The following AUH variants were observed in gnomAD, a reference collection of about 807,000 sequenced individuals.
The protein encoded by AUH is methylglutaconyl-CoA hydratase, mitochondrial.
A neutral mutation model predicts 42.3 loss-of-function variants in AUH; 29 were observed. The observed-to-expected ratio is 0.69, with a 90% CI of 0.51 to 0.93. The LOEUF (loss-of-function observed/expected upper bound fraction) is 0.93. Ranked by LOEUF, AUH falls within the 40% of genes least tolerant of loss-of-function variation. AUH has a pLI of 0.00. For missense variants in AUH, 452 were observed against 438.1 expected, an observed-to-expected ratio of 1.03 and a Z score of -0.28; for synonymous variants, 174 against 166.4, an observed-to-expected ratio of 1.05 and a Z score of -0.35.
chr9:91,350,141 A>G (rs1831852527), intron 3 of AUH, among the ~76,000 whole-genome samples: 1 of 152,262 alleles, frequency 6.6e-6, no homozygotes, highest in African/African-American at 2.4e-5. Flanking sequence ...CTGTATTTAC[A>G]TATTACTGTG....
In AUH at chr9:91,220,861, C is replaced by G. The variant is rs1305664335; in HGVS notation, c.787G>C (p.Glu263Gln). ...LISHVLEQNQ[E>Q]GDAAYRKALD... ...GCCTTCCTGTAGGCCGCGTCTCCCT[C>G]CTGGTTCTGTTCCAGAACGTGGCTG... Residue 263 changes from glutamate (E) to glutamine (Q), a missense_variant, in exon 7 of 10, where the codon GAG becomes CAG. Transcript: ENST00000375731. 3 of 1,614,246 alleles carry G rather than the reference C, an allele frequency of 1.9e-6. No individual in the cohort carries two copies. Among genetic ancestry groups the G allele is most frequent in the Non-Finnish European group, 2.5e-6 (3 of 1,180,040 alleles).
chr9:91,289,855 T>C (rs1173511026), intron 6 of AUH, among the ~76,000 whole-genome samples: 1 of 152,172 alleles, frequency 6.6e-6, no homozygotes, highest in African/African-American at 2.4e-5. Context: ...CAAAAACGTA[T>C]TTTTAAAATA....
chr9:91,221,409 G>A (rs1162398020), intron 6 of AUH, among the ~76,000 whole-genome samples: 1 of 152,194 alleles, frequency 6.6e-6, no homozygotes, highest in Non-Finnish European at 1.5e-5. Flanking sequence ...AACACATTGT[G>A]AGACATTCAA....
chr9:91,361,540 G>C, intron 1 of AUH, 88 bp downstream of exon 1: 1 of 1,511,004 alleles, frequency 6.6e-7, no homozygotes, highest in Non-Finnish European at 8.9e-7. Flanking sequence ...TCGACCCCGC[G>C]TCCTGCCGGC....
At chr9:91,339,531 G>T (rs1337959761) in intron 3 of AUH, among the ~76,000 whole-genome samples, 1 of 152,182 alleles carries the variant, frequency 6.6e-6, no homozygotes, top group East Asian at 1.9e-4. Flanking sequence ...ATAAACTCAT[G>T]GTTTTCAACA....
At position 91,325,497 on chromosome 9, in the gene AUH, C is replaced by A; in HGVS notation, c.419-93G>T. Reference sequence around the variant, plus strand: ...TTTACTTAAGATTAGTATACAACTTCAAGATCAGCCTAATTCATCTTTTAA... The same window carrying A: ...TTTACTTAAGATTAGTATACAACTTAAAGATCAGCCTAATTCATCTTTTAA... On this transcript the variant is annotated intron_variant, in intron 3 of 9. Coordinates refer to ENST00000375731, the MANE Select transcript of AUH (RefSeq NM_001698.3). The A allele has an allele frequency of 3.0e-6, 3 of 987,608 alleles. No individual in the cohort carries two copies. In the South Asian group the frequency reaches 3.9e-5, roughly 13 times the overall value. The allele number at this position is 987,608 out of a possible 1,614,324, so 61.2% of individuals were successfully genotyped here. A position where few individuals can be genotyped will look rare whatever the true frequency, so the allele number is the denominator to read the frequency against.
intron 7 of AUH, among the ~76,000 whole-genome samples, chr9:91,218,189 T>C (rs527256594): frequency 5.8e-4 from 89 of 152,348 alleles, no homozygotes; most frequent in African/African-American, 2.0e-3. Context: ...AAGACATGTT[T>C]TCCTATCAAG....
chr9:91,270,081 C>T (rs915296964), intron 6 of AUH, among the ~76,000 whole-genome samples: 1 of 152,180 alleles, frequency 6.6e-6, no homozygotes, highest in African/African-American at 2.4e-5. Flanking sequence ...AAAGGATATG[C>T]TTCTTAAGCC....
chr9:91,347,625 C>A (rs1263112036), intron 3 of AUH, among the ~76,000 whole-genome samples: 1 of 152,182 alleles, frequency 6.6e-6, no homozygotes, highest in Non-Finnish European at 1.5e-5. Flanking sequence ...TTTAAGAGCT[C>A]TGTACCAAGA....
intron 6 of AUH, among the ~76,000 whole-genome samples, chr9:91,228,519 A>G (rs1031335424): frequency 6.7e-6 from 1 of 148,254 alleles, no homozygotes; most frequent in Non-Finnish European, 1.5e-5. Context: ...TGGATTCATT[A>G]ATTTTTTCAA....
At chr9:91,360,814 A>G (rs920101675) in intron 1 of AUH, among the ~76,000 whole-genome samples, 2 of 152,196 alleles carry the variant, frequency 1.3e-5, no homozygotes, top group Non-Finnish European at 2.9e-5. Context: ...GTGCTCAACA[A>G]ATGCATGTCA....
chr9:91,277,062 T>C (rs892583661), intron 6 of AUH, among the ~76,000 whole-genome samples: 1 of 152,100 alleles, frequency 6.6e-6, no homozygotes, highest in African/African-American at 2.4e-5. Flanking sequence ...TGGTAGGGCA[T>C]ACCTGTAATC....
chr9:91,273,199 C>T (rs557561052), intron 6 of AUH, among the ~76,000 whole-genome samples: 2 of 152,294 alleles, frequency 1.3e-5, no homozygotes, highest in South Asian at 4.2e-4. Context: ...CCCTGCTGCC[C>T]TGGGCAGAGA....
chr9:91,262,542 C>T (rs1829757095), intron 6 of AUH, among the ~76,000 whole-genome samples: 1 of 152,176 alleles, frequency 6.6e-6, no homozygotes, highest in Non-Finnish European at 1.5e-5. Flanking sequence ...TACCCTATTT[C>T]AATAACAGCT....
intron 6 of AUH, among the ~76,000 whole-genome samples, chr9:91,222,015 T>C (rs1022460490): frequency 6.6e-6 from 1 of 152,220 alleles, no homozygotes; most frequent in Non-Finnish European, 1.5e-5. Flanking sequence ...AGCAGCAGAC[T>C]GCCCCCTTGC....
At chr9:91,323,931 T>C (rs1039267051) in intron 4 of AUH, among the ~76,000 whole-genome samples, 5 of 152,142 alleles carry the variant, frequency 3.3e-5, no homozygotes, top group African/African-American at 1.2e-4. Context: ...AAATTTTTCC[T>C]CTTTGCCTTA....
At chr9:91,332,338 C>T (rs2131907900) in intron 3 of AUH, among the ~76,000 whole-genome samples, 3 of 152,114 alleles carry the variant, frequency 2.0e-5, no homozygotes, top group Admixed American at 2.0e-4. Context: ...CCCGACTCTA[C>T]TAAAAACACA....
At chr9:91,328,394 T>C (rs1257325757) in intron 3 of AUH, among the ~76,000 whole-genome samples, 1 of 152,208 alleles carries the variant, frequency 6.6e-6, no homozygotes, top group African/African-American at 2.4e-5. Flanking sequence ...GACAGCTGCT[T>C]GAGCAACTAA....
chr9:91,338,519 C>T (rs1351737986), intron 3 of AUH, among the ~76,000 whole-genome samples: 1 of 151,438 alleles, frequency 6.6e-6, no homozygotes, highest in African/African-American at 2.5e-5. Context: ...CAACATCCAC[C>T]TCCCAGGTTC....
Sources: gnomAD v4.1 joint callset for allele counts (sites outside exome capture counted in the v4.1 genomes callset) on GRCh38, gnomAD v4.1.1 for gene constraint, MANE v1.5 for transcripts, NCBI Gene and HGNC (gene_info 2026-07-23, HGNC 2026-07-21) for gene names.